The following IL31RA variants were observed in gnomAD, a reference collection of about 807,000 sequenced individuals.
The protein encoded by IL31RA is interleukin-31 receptor subunit alpha.
In IL31RA, 66 loss-of-function variants were observed where a neutral mutation model predicts 83.7. The observed-to-expected ratio is 0.79, with a 90% CI of 0.65 to 0.97. The LOEUF (loss-of-function observed/expected upper bound fraction) is 0.97, where lower values mean the gene tolerates loss of function less well. Among genes scored for constraint, IL31RA ranks in the 50% least tolerant of loss-of-function variants. The pLI is 0.00. For missense variants in IL31RA, 798 were observed against 919.4 expected (o/e 0.87, Z 1.71); for synonymous variants, 325 against 329.0 (o/e 0.99, Z 0.13).
Position 55,851,474 on chromosome 5 carries a change from C to T in IL31RA, c.-97C>T. 1 of 1,610,734 alleles carries T rather than the reference C, an allele frequency of 6.2e-7. No individual in the cohort carries two copies. The highest frequency in any genetic ancestry group is 1.1e-5 in the South Asian group (1 of 90,840). On this transcript the variant is annotated 5_prime_UTR_variant, in exon 1 of 15. Coordinates refer to ENST00000652347, the MANE Select transcript of IL31RA (RefSeq NM_139017.7). ...AATTGCAAAAAAAAATAGTAATAAC[C>T]AGCATGGCACTAAATAGACCATGAA... is the stretch of plus-strand genomic sequence containing the variant.
At chr5:55,860,593 T>A (rs1299676013) in intron 2 of IL31RA, among the ~76,000 whole-genome samples, 1 of 152,214 alleles carries the variant, frequency 6.6e-6, no homozygotes, top group African/African-American at 2.4e-5. Context: ...AAATAAGCAG[T>A]TTTCATACTA....
chr5:55,853,773 T>C (rs577465577), intron 1 of IL31RA, among the ~76,000 whole-genome samples: 75 of 152,264 alleles, frequency 4.9e-4, no homozygotes, highest in Non-Finnish European at 9.1e-4. Flanking sequence ...ATCATGAGTG[T>C]TAGAGGTGAA....
chr5:55,916,909 T>G lies in IL31RA; in HGVS notation c.2084T>G (p.Ile695Ser). 6.2e-7 allele frequency: 1 copy of G among 1,614,078 alleles called. No homozygotes were observed. The highest frequency in any genetic ancestry group is 8.5e-7 in the Non-Finnish European group (1 of 1,179,948). The change falls in exon 15 of 15, where the codon ATT becomes AGT. Residue 695 changes from isoleucine (I) to serine (S), a missense_variant. By Grantham distance (142) the Ile-to-Ser change is moderately radical. Coordinates refer to ENST00000652347, the MANE Select transcript of IL31RA (RefSeq NM_139017.7). The stretch of plus-strand genomic sequence containing the variant: ...GAGGAGCTCCCAGTTTCACCTGAGA[T>G]TCCGCCCAGAAAATCCCAATACCTA... ...SFEELPVSPEIPPRKSQYLRS... is the reference protein window; with the variant it reads ...SFEELPVSPESPPRKSQYLRS...
chr5:55,853,527 A>G (rs1203359731), intron 1 of IL31RA: 2 of 1,550,986 alleles, frequency 1.3e-6, no homozygotes, highest in South Asian at 1.2e-5. Flanking sequence ...AAATCCTTTG[A>G]GCCAGCAGAA....
upstream of IL31RA, among the ~76,000 whole-genome samples, chr5:55,849,412 G>C (rs1745002464): frequency 6.6e-6 from 1 of 151,808 alleles, no homozygotes; most frequent in Non-Finnish European, 1.5e-5. Context: ...TTTCAATATA[G>C]TTATAACTTT....
intron 5 of IL31RA, 82 bp downstream of exon 5, chr5:55,883,277 AT>A: frequency 8.3e-7 from 1 of 1,210,104 alleles, no homozygotes. Flanking sequence ...ACCTGGAATC[AT>A]TATTTCACTT....
At chr5:55,843,632 G>A in the IL31RA span, among the ~76,000 whole-genome samples, 19 of 152,092 alleles carry the variant, frequency 1.2e-4, no homozygotes, top group African/African-American at 4.3e-4. Flanking sequence ...TTTGCCTTAT[G>A]TATTTTGATG....
At chr5:55,887,497 T>G (rs1747688568) in intron 5 of IL31RA, among the ~76,000 whole-genome samples, 1 of 152,200 alleles carries the variant, frequency 6.6e-6, no homozygotes, top group South Asian at 2.1e-4. Flanking sequence ...CCCAGCACTT[T>G]GGGAGGCCGA....
chr5:55,899,872 TTTTC>T, intron 7 of IL31RA, 40 bp from the exon 8 acceptor site: 1 of 1,446,438 alleles, frequency 6.9e-7, no homozygotes, highest in Non-Finnish European at 9.7e-7. Flanking sequence ...ATGCCTTTCT[TTTTC>T]TTTGTTATTG....
intron 7 of IL31RA, 133 bp downstream of exon 7, chr5:55,896,562 TCCCCTCCCCTCCCTTCCCCCCACCTTC>T (rs1174539589): frequency 1.1e-4 from 45 of 410,296 alleles, no homozygotes; most frequent in South Asian, 1.4e-4. Context: ...TCCCCTCCCC[TCCCCTCCCCTCCCTTCCCCCCACCTTC>T]CCCCTCCCCT....
intron 7 of IL31RA, 47 bp from the exon 8 acceptor site, chr5:55,899,869 T>C (rs900122467): frequency 1.4e-6 from 2 of 1,407,528 alleles, no homozygotes; most frequent in Non-Finnish European, 2.0e-6. Flanking sequence ...TCAATGCCTT[T>C]CTTTTTCTTT....
At chr5:55,875,809 G>A (rs1168881160) in intron 4 of IL31RA, among the ~76,000 whole-genome samples, 1 of 151,984 alleles carries the variant, frequency 6.6e-6, no homozygotes, top group Admixed American at 6.5e-5. Flanking sequence ...TTCTGTAATT[G>A]CCACTGCTTA....
At chr5:55,851,781 C>A in intron 1 of IL31RA, 148 bp downstream of exon 1, 2 of 1,550,286 alleles carry the variant, frequency 1.3e-6, no homozygotes, top group Non-Finnish European at 1.8e-6. Flanking sequence ...ATTATGTTTG[C>A]TTATTGTTGG....
At chr5:55,911,659 G>A (rs536487603) in intron 12 of IL31RA, among the ~76,000 whole-genome samples, 4 of 152,300 alleles carry the variant, frequency 2.6e-5, no homozygotes, top group Admixed American at 1.3e-4. Flanking sequence ...GGAATGAGGA[G>A]GGGGATGAAG....
intron 5 of IL31RA, among the ~76,000 whole-genome samples, chr5:55,887,489 C>A (rs879904866): frequency 2.0e-5 from 3 of 152,196 alleles, no homozygotes; most frequent in African/African-American, 7.2e-5. Context: ...CCTGTAATCC[C>A]AGCACTTTGG....
At chr5:55,906,085 A>AGAAAGAGCCCCATCCGG (rs1749131290) in intron 8 of IL31RA, 21 bp from the exon 9 acceptor site, 1 of 1,613,106 alleles carries the variant, frequency 6.2e-7, no homozygotes, top group African/African-American at 1.3e-5. Context: ...GCTGTGAAGC[A>AGAAAGAGCCCCATCCGG]GTCCTTTTCT....
At chr5:55,887,719 T>G (rs1051051594) in intron 5 of IL31RA, among the ~76,000 whole-genome samples, 2 of 151,840 alleles carry the variant, frequency 1.3e-5, no homozygotes, top group Non-Finnish European at 2.9e-5. Flanking sequence ...ACCCCGTCCC[T>G]CTAAAAATAC....
the IL31RA span, chr5:55,839,855 A>G: frequency 0.74 from 546,816 of 742,108 alleles, 206,062 homozygotes; most frequent in African/African-American, 0.83. Context: ...AAGTTCAACA[A>G]AAGCCTTGTC....
At position 55,922,060 on chromosome 5, in the gene IL31RA, G is replaced by T. The variant is rs866541843; in HGVS notation, c.*4940G>T. 3.4e-5 allele frequency among the ~76,000 whole-genome samples: 5 copies of T among 145,510 alleles called. No individual in the cohort carries two copies. Among genetic ancestry groups the T allele is most frequent in the South Asian group, 2.2e-4 (1 of 4,522 alleles). ...TTGCACTCTTATGTTGTGGCGGGGG[G>T]GGGGGGCGGTTCCTGAAGAGTGGAG... On this transcript the variant is annotated 3_prime_UTR_variant, in exon 15 of 15. Transcript: ENST00000652347.
Sources: allele counts gnomAD v4.1 joint callset (sites outside exome capture counted in the v4.1 genomes callset), GRCh38; gene constraint gnomAD v4.1.1; transcripts MANE v1.5; gene names NCBI Gene and HGNC (gene_info 2026-07-23, HGNC 2026-07-21).